The following GNAL variants were observed in gnomAD, a reference collection of about 807,000 sequenced individuals.
The protein encoded by GNAL is G protein subunit alpha L.
GNAL carries 18 observed loss-of-function variants against 55.1 expected under a neutral mutation model. The ratio of observed to expected loss-of-function variants is 0.33; its 90% CI spans 0.23 to 0.48. The LOEUF (loss-of-function observed/expected upper bound fraction) is 0.48. GNAL is among the 20% of genes least tolerant of loss of function. The pLI, the probability that GNAL is intolerant of heterozygous loss-of-function variation, is 0.99. For synonymous variants in GNAL, 253 were observed against 237.0 expected (o/e 1.07, Z -0.62); for missense variants, 412 against 614.1 (o/e 0.67, Z 3.48).
chr18:11,877,116 T>C (rs2036549505), intron 11 of GNAL, among the ~76,000 whole-genome samples: 1 of 152,186 alleles, frequency 6.6e-6, no homozygotes, highest in Non-Finnish European at 1.5e-5. Context: ...TTTTTGAGAT[T>C]ATTTCAAACT....
chr18:11,745,295 C>A (rs1319755034), intron 1 of GNAL, among the ~76,000 whole-genome samples: 1 of 152,052 alleles, frequency 6.6e-6, no homozygotes, highest in Non-Finnish European at 1.5e-5. Flanking sequence ...GGGTGGGAGG[C>A]TCCTTATAAT....
intron 4 of GNAL, among the ~76,000 whole-genome samples, chr18:11,784,067 C>T (rs2033991838): frequency 6.6e-6 from 1 of 152,224 alleles, no homozygotes; most frequent in Admixed American, 6.5e-5. Flanking sequence ...CTCATGTCCA[C>T]GTGGCCCAGC....
At chr18:11,822,808 CTTTTTTTTTTTCTTTTTT>C (rs1368676045) in intron 4 of GNAL, among the ~76,000 whole-genome samples, 1 of 139,906 alleles carries the variant, frequency 7.1e-6, no homozygotes. Flanking sequence ...TATTGTTTTT[CTTTTTTTTTTTCTTTTTT>C]TTTTTTTTTT....
At chr18:11,755,793 C>G (rs1315411364) in intron 4 of GNAL, among the ~76,000 whole-genome samples, 1 of 151,946 alleles carries the variant, frequency 6.6e-6, no homozygotes, top group Non-Finnish European at 1.5e-5. Context: ...GGGAAGGGGT[C>G]GGCAGAAGAT....
At chr18:11,806,731 CTTT>C (rs33956319) in intron 4 of GNAL, among the ~76,000 whole-genome samples, 2 of 139,788 alleles carry the variant, frequency 1.4e-5, no homozygotes, top group Admixed American at 7.3e-5. Context: ...GTGAAGTACT[CTTT>C]TTTTTTTTTT....
intron 1 of GNAL, chr18:11,747,362 C>T (rs899614732): frequency 5.5e-6 from 1 of 181,946 alleles, no homozygotes; most frequent in Non-Finnish European, 1.1e-5. Flanking sequence ...ATATGTTGAA[C>T]ATCAGGTTGA....
intron 5 of GNAL, among the ~76,000 whole-genome samples, chr18:11,831,869 A>G (rs990113525): frequency 4.6e-5 from 7 of 152,232 alleles, no homozygotes; most frequent in Non-Finnish European, 7.3e-5. Context: ...AGGGCCAGCC[A>G]GGTGGCACTG....
intron 4 of GNAL, among the ~76,000 whole-genome samples, chr18:11,822,294 C>G (rs999093160): frequency 6.6e-5 from 10 of 152,172 alleles, no homozygotes; most frequent in African/African-American, 1.9e-4. Flanking sequence ...ACCGCCAAAT[C>G]TCAAAACAAA....
intron 5 of GNAL, among the ~76,000 whole-genome samples, chr18:11,835,830 G>A (rs62097375): frequency 0.042 from 6,320 of 152,218 alleles, 159 homozygotes; most frequent in African/African-American, 0.069. Context: ...ATTAATAAAG[G>A]TACAGTTTCA....
chr18:11,756,288 A>G (rs2033052861), intron 4 of GNAL, among the ~76,000 whole-genome samples: 1 of 152,206 alleles, frequency 6.6e-6, no homozygotes, highest in South Asian at 2.1e-4. Flanking sequence ...ATTTGCTTTG[A>G]ATGCATGTAT....
At position 11,752,240 on chromosome 18, in the gene GNAL, A is replaced by T; in HGVS notation, c.377-613A>T. 1 of 1,165,366 alleles carries T rather than the reference A, an allele frequency of 8.6e-7. No homozygotes were observed. Among genetic ancestry groups the T allele is most frequent in the Non-Finnish European group, 1.1e-6 (1 of 878,980 alleles). The allele number at this position is 1,165,366 out of a possible 1,614,324, so 72.2% of individuals were successfully genotyped here. On this transcript the variant is annotated intron_variant, in intron 1 of 11. Transcript: ENST00000334049. The surrounding 1 kb of genome is among the most constrained non-coding windows in gnomAD (Gnocchi z 4.5). ...CCGCGCGTCTTCCTTACAGCCATTT[A>T]GTTGGGAGTTTGCGGTGGGCAGGGG...
chr18:11,860,282 G>A (rs1458176961), intron 5 of GNAL, among the ~76,000 whole-genome samples: 1 of 152,178 alleles, frequency 6.6e-6, no homozygotes, highest in Non-Finnish European at 1.5e-5. Flanking sequence ...AAGTTCATGG[G>A]TGAAGGCTGC....
At chr18:11,873,086 A>G (rs569235594) in intron 10 of GNAL, among the ~76,000 whole-genome samples, 30 of 152,296 alleles carry the variant, frequency 2.0e-4, no homozygotes, top group Middle Eastern at 3.4e-3. Context: ...AGTCGCTTAC[A>G]CTTCAGTTTC....
chr18:11,812,326 A>G (rs895624435), intron 4 of GNAL, among the ~76,000 whole-genome samples: 6 of 152,208 alleles, frequency 3.9e-5, no homozygotes, highest in South Asian at 2.1e-4. Flanking sequence ...AAATCCTGCA[A>G]CTGGCCCTGG....
chr18:11,699,577 A>G (rs1303556243), intron 1 of GNAL, among the ~76,000 whole-genome samples: 1 of 151,762 alleles, frequency 6.6e-6, no homozygotes, highest in Non-Finnish European at 1.5e-5. Context: ...GTTGGCTTTA[A>G]GCTGAAACCA....
At chr18:11,699,954 A>G (rs1345643571) in intron 1 of GNAL, among the ~76,000 whole-genome samples, 1 of 152,208 alleles carries the variant, frequency 6.6e-6, no homozygotes, top group Non-Finnish European at 1.5e-5. Context: ...CAGGGAGTAC[A>G]TGGCAGCTGT....
intron 11 of GNAL, among the ~76,000 whole-genome samples, chr18:11,877,658 T>C (rs568028260): frequency 6.6e-6 from 1 of 152,136 alleles, no homozygotes; most frequent in East Asian, 1.9e-4. Flanking sequence ...CCAAGTGCAC[T>C]TAACACGTGT....
intron 1 of GNAL, among the ~76,000 whole-genome samples, chr18:11,713,377 G>A (rs886939234): frequency 1.3e-5 from 2 of 152,240 alleles, no homozygotes; most frequent in African/African-American, 4.8e-5. Flanking sequence ...GACATCCCAT[G>A]CAATTGGTTA....
chr18:11,858,424 A>G (rs2036058187), intron 5 of GNAL, among the ~76,000 whole-genome samples: 1 of 152,240 alleles, frequency 6.6e-6, no homozygotes, highest in Non-Finnish European at 1.5e-5. Flanking sequence ...TCTTCTGGTC[A>G]GCATGCAGTG....
Sources: gnomAD v4.1 joint callset for allele counts (sites outside exome capture counted in the v4.1 genomes callset) on GRCh38, gnomAD v4.1.1 for gene constraint, Gnocchi (gnomAD v3.1) non-coding constraint, MANE v1.5 for transcripts, NCBI Gene and HGNC (gene_info 2026-07-23, HGNC 2026-07-21) for gene names.